The following CENPP variants were observed in gnomAD, a reference collection of about 807,000 sequenced individuals.
The protein encoded by CENPP is centromere protein P.
Under a neutral mutation model 35.6 loss-of-function variants are expected in CENPP, and 24 were observed. The ratio of observed to expected loss-of-function variants is 0.67; its 90% confidence interval spans 0.49 to 0.95. The LOEUF (loss-of-function observed/expected upper bound fraction) is 0.95. Among genes scored for constraint, CENPP ranks in the 40% least tolerant of loss-of-function variants. The pLI, the probability that CENPP is intolerant of heterozygous loss-of-function variation, is 0.00. For synonymous variants in CENPP, 120 were observed against 125.5 expected (o/e 0.96, Z 0.29); for missense variants, 332 against 345.3 (o/e 0.96, Z 0.31).
At chr9:92,453,280 AG>A (rs1359926369) in intron 5 of CENPP, among the ~76,000 whole-genome samples, 1 of 152,152 alleles carries the variant, frequency 6.6e-6, no homozygotes, top group Non-Finnish European at 1.5e-5. Flanking sequence ...AATGTGTCCC[AG>A]GGATTCTGGT....
At chr9:92,499,101 G>A (rs967871582) in intron 5 of CENPP, among the ~76,000 whole-genome samples, 19 of 152,152 alleles carry the variant, frequency 1.2e-4, no homozygotes, top group Admixed American at 3.9e-4. Flanking sequence ...TGAGGCCCAC[G>A]TGTGCCCAAA....
chr9:92,592,282 C>T (rs1456462986), intron 5 of CENPP, among the ~76,000 whole-genome samples: 1 of 152,128 alleles, frequency 6.6e-6, no homozygotes, highest in Non-Finnish European at 1.5e-5. Context: ...GCATGAAGCC[C>T]CTTCACTCCT....
chr9:92,551,941 A>ATT (rs1441741333), intron 5 of CENPP, among the ~76,000 whole-genome samples: 5 of 64,714 alleles, frequency 7.7e-5, no homozygotes, highest in African/African-American at 6.4e-4. Context: ...ATATATATAT[A>ATT]TATATATATA....
intron 5 of CENPP, chr9:92,415,368 G>C (rs1024214965): frequency 6.2e-6 from 10 of 1,613,474 alleles, no homozygotes; most frequent in African/African-American, 4.0e-5. Context: ...AGCAGAAGAA[G>C]ATGTATGAGC....
chr9:92,395,963 G>A (rs1024723199), intron 5 of CENPP, among the ~76,000 whole-genome samples: 3 of 151,810 alleles, frequency 2.0e-5, no homozygotes, highest in Non-Finnish European at 4.4e-5. Context: ...TTGACACTTT[G>A]TTTTCTTCTA....
intron 5 of CENPP, among the ~76,000 whole-genome samples, chr9:92,572,626 A>G (rs1420782559): frequency 1.3e-5 from 2 of 152,094 alleles, no homozygotes; most frequent in East Asian, 1.9e-4. Flanking sequence ...CTGAATTTGA[A>G]TGTTGGCCTG....
At chr9:92,525,076 C>T (rs1344912350) in intron 5 of CENPP, among the ~76,000 whole-genome samples, 1 of 152,062 alleles carries the variant, frequency 6.6e-6, no homozygotes, top group Non-Finnish European at 1.5e-5. Flanking sequence ...CTATAGGAGG[C>T]CGAAACCAAG....
chr9:92,348,726 G>A (rs932860181), intron 4 of CENPP, among the ~76,000 whole-genome samples: 2 of 152,130 alleles, frequency 1.3e-5, no homozygotes, highest in African/African-American at 4.8e-5. Context: ...TCTGTTGGCC[G>A]TAATATCTAT....
intron 5 of CENPP, among the ~76,000 whole-genome samples, chr9:92,404,892 TCAAA>T (rs1362793279): frequency 1.3e-5 from 2 of 152,128 alleles, no homozygotes; most frequent in African/African-American, 2.4e-5. Context: ...TCCCAGGAGA[TCAAA>T]CAATCTGCTT....
intron 5 of CENPP, among the ~76,000 whole-genome samples, chr9:92,561,277 C>T (rs753664303): frequency 1.3e-5 from 2 of 152,204 alleles, no homozygotes; most frequent in Non-Finnish European, 2.9e-5. Context: ...ACTACCATCC[C>T]TGTTCCTCCC....
intron 4 of CENPP, among the ~76,000 whole-genome samples, chr9:92,362,195 A>G (rs1841772349): frequency 6.6e-6 from 1 of 152,092 alleles, no homozygotes; most frequent in Non-Finnish European, 1.5e-5. Context: ...GCAACAGAGC[A>G]AGGCTCTATC....
intron 5 of CENPP, chr9:92,495,198 G>T: frequency 2.9e-6 from 1 of 339,008 alleles, no homozygotes; most frequent in Non-Finnish European, 4.2e-6. Flanking sequence ...ATGCAATGAG[G>T]CCAACACTGG....
intron 5 of CENPP, among the ~76,000 whole-genome samples, chr9:92,536,869 ATT>A (rs11459753): frequency 3.5e-5 from 5 of 141,492 alleles, no homozygotes; most frequent in Admixed American, 7.1e-5. Context: ...TATTTTTTAA[ATT>A]TTTTTTTTTT....
chr9:92,568,103 A>ATACATATGCACTAGGG (rs1554688416), intron 5 of CENPP, among the ~76,000 whole-genome samples: 20 of 151,082 alleles, frequency 1.3e-4, no homozygotes, highest in African/African-American at 4.6e-4. Flanking sequence ...AAGTTCTAGG[A>ATACATATGCACTAGGG]TACATGTGCA....
chr9:92,521,008 G>A (rs1172899531), intron 5 of CENPP, among the ~76,000 whole-genome samples: 1 of 152,212 alleles, frequency 6.6e-6, no homozygotes, highest in Non-Finnish European at 1.5e-5. Flanking sequence ...GGACGAAAAT[G>A]TGCAGAAACA....
chr9:92,403,400 G>T (rs1301420346), intron 5 of CENPP: 1 of 1,597,552 alleles, frequency 6.3e-7, no homozygotes, highest in African/African-American at 1.3e-5. Flanking sequence ...AGACTGCAGA[G>T]TCTTCATTTT....
chr9:92,464,935 C>A (rs747786934), intron 5 of CENPP: 2 of 1,610,130 alleles, frequency 1.2e-6, no homozygotes, highest in Non-Finnish European at 1.7e-6. Flanking sequence ...GAACTGAGGT[C>A]AGTTTTGCTT....
intron 5 of CENPP, among the ~76,000 whole-genome samples, chr9:92,380,470 A>T (rs1842217864): frequency 8.1e-6 from 1 of 123,938 alleles, no homozygotes; most frequent in Non-Finnish European, 1.7e-5. Flanking sequence ...AAGTCAACTT[A>T]AATAATATTT....
At chr9:92,612,892 C>A in intron 7 of CENPP, 127 bp from the exon 8 acceptor site, 1 of 1,132,714 alleles carries the variant, frequency 8.8e-7, no homozygotes, top group Non-Finnish European at 1.3e-6. Context: ...CCGCCACTAG[C>A]ATGTCCCATC....
Sources: allele counts gnomAD v4.1 joint callset (sites outside exome capture counted in the v4.1 genomes callset), GRCh38; gene constraint gnomAD v4.1.1; transcripts MANE v1.5; gene names NCBI Gene and HGNC (gene_info 2026-07-23, HGNC 2026-07-21).